MCCC2: variants seen among roughly 807,000 people sequenced by gnomAD.
MCCC2 encodes methylcrotonoyl-CoA carboxylase beta chain, mitochondrial.
MCCC2 carries 52 observed loss-of-function variants against 77.2 expected under a neutral mutation model. That is an observed-to-expected ratio of 0.67 (90% CI 0.54 to 0.85). The LOEUF (loss-of-function observed/expected upper bound fraction) is 0.85, where lower values mean the gene tolerates loss of function less well. Among genes scored for constraint, MCCC2 ranks in the 40% least tolerant of loss-of-function variants. MCCC2 has a pLI of 0.00. For missense variants in MCCC2, 682 were observed against 703.2 expected (o/e 0.97, Z 0.34); for synonymous variants, 253 against 248.4 (o/e 1.02, Z -0.18).
rs1747600940 is a variant in MCCC2 at position 71,657,030 on chromosome 5, C to T, written c.*170C>T. On this transcript the variant is annotated 3_prime_UTR_variant, in exon 17 of 17. Coordinates refer to ENST00000340941, the MANE Select transcript of MCCC2 (RefSeq NM_022132.5). ...GTGAGGATATTTATTTAATGAACAT[C>T]AATTCCTTTTAAATTTTCTTAGAGA... The T allele has an allele frequency of 5.2e-6, 3 of 573,284 alleles. No individual in the cohort carries two copies. The highest frequency in any genetic ancestry group is 3.8e-5 in the African/African-American group (2 of 52,960). 35.5% of individuals were successfully genotyped at this position (573,284 alleles called of 1,614,324 possible). A position where few individuals can be genotyped will look rare whatever the true frequency, so the allele number is the denominator to read the frequency against.
chr5:71,632,149 C>A lies in MCCC2; in HGVS notation c.767C>A (p.Ser256Tyr). 4 of 1,614,178 alleles carry A rather than the reference C, an allele frequency of 2.5e-6. No homozygotes were observed. Among genetic ancestry groups the A allele is most frequent in the Middle Eastern group, 1.6e-4 (1 of 6,062 alleles). ...LVKAATGEEV[S>Y]AEDLGGADLH... ...AAAGCGGCAACTGGGGAAGAAGTAT[C>A]TGCTGAGGATCTTGGAGGTGCTGAT... The change falls in exon 8 of 17, where the codon TCT (serine) becomes TAT (tyrosine). Residue 256 changes from serine (S) to tyrosine (Y), a missense_variant. By Grantham distance (144) the Ser-to-Tyr change is moderately radical (BLOSUM62 -2). Coordinates refer to ENST00000340941, the MANE Select transcript of MCCC2 (RefSeq NM_022132.5).
chr5:71,615,068 G>A lies in MCCC2; in HGVS notation c.624+10600G>A, dbSNP rs1465374643. ...TGCAACCTCCACCTCCTGGGTTCAA[G>A]CAATTCTCCTGCCTCAGCCTCCCTA... On this transcript the variant is annotated intron_variant, in intron 6 of 16. Transcript: ENST00000340941. Among the ~76,000 whole-genome samples, 3 of 152,070 alleles carry A rather than the reference G, an allele frequency of 2.0e-5. No individual in the cohort carries two copies. The East Asian group carries it at 5.8e-4, about 29-fold the overall frequency.
intron 6 of MCCC2, among the ~76,000 whole-genome samples, chr5:71,621,821 A>G (rs1000096718): frequency 6.6e-6 from 1 of 152,142 alleles, no homozygotes; most frequent in African/African-American, 2.4e-5. Context: ...AGTAAGACCT[A>G]TTATCTGATA....
intron 6 of MCCC2, among the ~76,000 whole-genome samples, chr5:71,621,816 G>A (rs968493998): frequency 4.6e-5 from 7 of 151,906 alleles, no homozygotes; most frequent in Non-Finnish European, 7.4e-5. Flanking sequence ...GAATGAGTAA[G>A]ACCTATTATC....
At chr5:71,634,875 T>G in intron 8 of MCCC2, 68 bp from the exon 9 acceptor site, 1 of 1,378,248 alleles carries the variant, frequency 7.3e-7, no homozygotes, top group Non-Finnish European at 1.0e-6. Context: ...AGAAGATACT[T>G]GGGACCTGAG....
chr5:71,603,082 C>CA (rs1432799806), intron 5 of MCCC2: 1 of 173,478 alleles, frequency 5.8e-6, no homozygotes, highest in Non-Finnish European at 1.2e-5. Context: ...AATTAAAACA[C>CA]ATTTAAATCA....
In MCCC2 at chr5:71,633,089, TTTTATATATATATATATATA is replaced by T. The variant is rs1325090628; in HGVS notation, c.803+906_803+925del. ...TTGAGGAGGAGGGTTTTTTTTTCAG[TTTTATATATATATATATATA>T]TATATATATATATATATATATATTT... is the stretch of plus-strand genomic sequence containing the variant. On this transcript the variant is annotated intron_variant, in intron 8 of 16. Transcript: ENST00000340941. 1.0e-4 allele frequency among the ~76,000 whole-genome samples: 8 copies of T among 77,470 alleles called. 1 individual carries two copies. The South Asian group carries it at 2.4e-3, about 23-fold the overall frequency. 50.8% of individuals were successfully genotyped at this position (77,470 alleles called of 152,430 possible).
rs1580325637 is a variant in MCCC2 at position 71,641,159 on chromosome 5, T to A, written c.1072+84T>A. 6.6e-6 allele frequency: 8 copies of A among 1,217,824 alleles called. No individual in the cohort carries two copies. In the East Asian group the frequency reaches 1.9e-4, roughly 29 times the overall value. 75.4% of individuals were successfully genotyped at this position (1,217,824 alleles called of 1,614,324 possible). ...CTCTTGTTTCAAGACTTTGATACACTTGACATGGGCTTTGTTGTTGAGAGC... is the reference window on the plus strand; with the variant it reads ...CTCTTGTTTCAAGACTTTGATACACATGACATGGGCTTTGTTGTTGAGAGC... On this transcript the variant is annotated intron_variant, in intron 11 of 16. Coordinates refer to ENST00000340941, the MANE Select transcript of MCCC2 (RefSeq NM_022132.5).
Position 71,635,558 on chromosome 5 carries a change from T to C in MCCC2, c.999+312T>C, listed in dbSNP as rs77273409. The C allele has an allele frequency of 8.4e-3, 3,271 of 389,506 alleles. 95 individuals are homozygous for C. The highest frequency in any genetic ancestry group is 0.061 in the African/African-American group (2,966 of 48,532). 24.1% of individuals were successfully genotyped at this position (389,506 alleles called of 1,614,324 possible). On this transcript the variant is annotated intron_variant, in intron 10 of 16. Transcript: ENST00000340941. ...TGAATGATGTAAGGCAACTTAACAA[T>C]TGTCAGCTATTTCTTTTCATTGTTC...
intron 15 of MCCC2, among the ~76,000 whole-genome samples, chr5:71,650,405 T>C (rs1222766295): frequency 1.3e-5 from 2 of 152,220 alleles, no homozygotes; most frequent in African/African-American, 4.8e-5. Context: ...GGTACTTTCT[T>C]TGTGGCCATT....
intron 7 of MCCC2, among the ~76,000 whole-genome samples, chr5:71,630,611 C>G (rs1746676493): frequency 6.6e-6 from 1 of 151,978 alleles, no homozygotes; most frequent in South Asian, 2.1e-4. Flanking sequence ...TTATTTTACA[C>G]TAAATGTTTT....
chr5:71,643,697 A>G (rs1458115944), intron 11 of MCCC2, 122 bp from the exon 12 acceptor site: 2 of 1,596,546 alleles, frequency 1.3e-6, no homozygotes, highest in African/African-American at 2.7e-5. Context: ...ACCATAGACA[A>G]AATCTCTTTG....
rs528949942 is a variant in MCCC2 at position 71,612,697 on chromosome 5, T to G, written c.624+8229T>G. On this transcript the variant is annotated intron_variant, in intron 6 of 16. Transcript: ENST00000340941. ...TATAGCTTACCTTTTATTAGTTTCCTAGGGCTGTTGTAACAAATTATCACA... is the reference window on the plus strand; with the variant it reads ...TATAGCTTACCTTTTATTAGTTTCCGAGGGCTGTTGTAACAAATTATCACA... Among the ~76,000 whole-genome samples, 8 of 152,360 alleles carry G rather than the reference T, an allele frequency of 5.3e-5. No individual in the cohort carries two copies. The East Asian group carries it at 1.5e-3, about 29-fold the overall frequency.
intron 4 of MCCC2, 60 bp downstream of exon 4, chr5:71,599,820 G>C: frequency 3.1e-6 from 4 of 1,284,462 alleles, no homozygotes; most frequent in Non-Finnish European, 4.5e-6. Flanking sequence ...ATGAGGCACA[G>C]GCATCCAGCA....
intron 10 of MCCC2, among the ~76,000 whole-genome samples, chr5:71,637,583 G>C (rs577816500): frequency 1.3e-5 from 2 of 152,314 alleles, no homozygotes; most frequent in South Asian, 4.1e-4. Context: ...TCAGGGTAGA[G>C]GTTGCTGAAG....
chr5:71,620,095 G>A (rs1195276102), intron 6 of MCCC2, among the ~76,000 whole-genome samples: 1 of 152,186 alleles, frequency 6.6e-6, no homozygotes, highest in Non-Finnish European at 1.5e-5. Context: ...AAAGATTGAG[G>A]AGGAAACAGA....
chr5:71,593,407 G>A (rs1286612425), intron 2 of MCCC2, among the ~76,000 whole-genome samples: 4 of 151,810 alleles, frequency 2.6e-5, no homozygotes, highest in Non-Finnish European at 4.4e-5. Flanking sequence ...TGACTCTTAA[G>A]ACTATGCATT....
At chr5:71,605,553 C>G (rs1172064193) in intron 6 of MCCC2, among the ~76,000 whole-genome samples, 2 of 149,698 alleles carry the variant, frequency 1.3e-5, no homozygotes, top group South Asian at 2.1e-4. Flanking sequence ...ATGGTAGTTT[C>G]TTTTGCTGTG....
At chr5:71,604,737 C>G (rs1428850837) in intron 6 of MCCC2, among the ~76,000 whole-genome samples, 1 of 151,528 alleles carries the variant, frequency 6.6e-6, no homozygotes, top group Non-Finnish European at 1.5e-5. Context: ...CCCGCTCCCC[C>G]CACCCCACCA....
Sources: allele counts gnomAD v4.1 joint callset (sites outside exome capture counted in the v4.1 genomes callset), GRCh38; gene constraint gnomAD v4.1.1; transcripts MANE v1.5; gene names NCBI Gene and HGNC (gene_info 2026-07-23, HGNC 2026-07-21).